Variants in ECT2L observed in about 807,000 individuals in gnomAD.
ECT2L encodes the protein epithelial cell-transforming sequence 2 oncogene-like.
In ECT2L, 126 loss-of-function variants were observed where a neutral mutation model predicts 122.8. The observed-to-expected ratio is 1.03, with a 90% CI of 0.89 to 1.19. The LOEUF is 1.19. ECT2L is among the 50% of genes most tolerant of loss of function. ECT2L has a pLI of 0.00. For missense variants in ECT2L, 1,012 were observed against 1,064.1 expected, an observed-to-expected ratio of 0.95 and a Z score of 0.68; for synonymous variants, 385 against 381.8, an observed-to-expected ratio of 1.01 and a Z score of -0.10.
chr6:138,891,079 A>G (rs1294828501), intron 20 of ECT2L, among the ~76,000 whole-genome samples: 1 of 152,124 alleles, frequency 6.6e-6, no homozygotes, highest in Non-Finnish European at 1.5e-5. Flanking sequence ...GGGATTGGAT[A>G]TGCCTCATTA....
intron 4 of ECT2L, among the ~76,000 whole-genome samples, chr6:138,831,768 A>G (rs953275207): frequency 7.2e-5 from 11 of 152,250 alleles, no homozygotes; most frequent in African/African-American, 2.7e-4. Context: ...AAGGGATTCA[A>G]AATAATGTTG....
chr6:138,879,971 AAAAT>A (rs1455515299), intron 14 of ECT2L, among the ~76,000 whole-genome samples: 2 of 131,216 alleles, frequency 1.5e-5, no homozygotes, highest in South Asian at 2.4e-4. Flanking sequence ...AAAATAAAAT[AAAAT>A]AAATAAATAC....
intron 12 of ECT2L, among the ~76,000 whole-genome samples, chr6:138,865,447 C>T (rs1778002217): frequency 6.6e-6 from 1 of 152,196 alleles, no homozygotes; most frequent in Admixed American, 6.5e-5. Context: ...TACCTAGACA[C>T]AATTTGCTGT....
intron 14 of ECT2L, among the ~76,000 whole-genome samples, chr6:138,880,129 T>C (rs780442588): frequency 3.3e-5 from 5 of 152,192 alleles, no homozygotes; most frequent in Non-Finnish European, 5.9e-5. Context: ...AGATTTTTCA[T>C]ATGTCAGCTG....
intron 1 of ECT2L, among the ~76,000 whole-genome samples, chr6:138,809,596 T>C (rs1487082709): frequency 6.6e-6 from 1 of 152,212 alleles, no homozygotes; most frequent in Non-Finnish European, 1.5e-5. Flanking sequence ...GCTGGTGATA[T>C]ATGATCTTTT....
chr6:138,863,619 T>C (rs1777917201), intron 11 of ECT2L, among the ~76,000 whole-genome samples: 1 of 151,690 alleles, frequency 6.6e-6, no homozygotes. Flanking sequence ...TTCTTTCTTT[T>C]TTTTTTTTTG....
chr6:138,860,073 C>T lies in ECT2L; in HGVS notation c.1199-2554C>T, dbSNP rs558384190. On this transcript the variant is annotated intron_variant, in intron 10 of 21. Coordinates refer to ENST00000541398, the MANE Select transcript of ECT2L (RefSeq NM_001077706.3). ...CTCCTGACCTCAGGTGATCTGCCCA[C>T]CTTGGCCTCCCAAAGTGCTGGGATT... Among the ~76,000 whole-genome samples the T allele has an allele frequency of 4.6e-5, 7 of 152,272 alleles. No homozygotes were observed. In the East Asian group the frequency reaches 1.2e-3, roughly 25 times the overall value.
At chr6:138,896,392 T>C (rs1168923567) in intron 20 of ECT2L, among the ~76,000 whole-genome samples, 1 of 152,176 alleles carries the variant, frequency 6.6e-6, no homozygotes, top group Non-Finnish European at 1.5e-5. Flanking sequence ...CCTATTATAC[T>C]GCCAAAAAGA....
chr6:138,801,715 ACTGCACTCCAGT>A (rs1775548845), intron 1 of ECT2L, among the ~76,000 whole-genome samples: 1 of 152,200 alleles, frequency 6.6e-6, no homozygotes, highest in South Asian at 2.1e-4. Flanking sequence ...AGATCATGCC[ACTGCACTCCAGT>A]CTGGGTGACA....
intron 4 of ECT2L, 56 bp downstream of exon 4, chr6:138,814,659 A>T: frequency 9.2e-7 from 1 of 1,085,132 alleles, no homozygotes; most frequent in Non-Finnish European, 1.4e-6. Flanking sequence ...ACCGTATATA[A>T]ATGTTTATAT....
At chr6:138,872,956 AT>A (rs1356762484) in intron 13 of ECT2L, among the ~76,000 whole-genome samples, 1 of 152,166 alleles carries the variant, frequency 6.6e-6, no homozygotes, top group Non-Finnish European at 1.5e-5. Context: ...GGTGAGAACC[AT>A]TTCTGGGCTC....
intron 4 of ECT2L, among the ~76,000 whole-genome samples, chr6:138,821,819 A>T (rs753369890): frequency 2.2e-4 from 34 of 152,238 alleles, no homozygotes; most frequent in Non-Finnish European, 2.9e-5. Flanking sequence ...AAAAAGGGTG[A>T]ACCCTGGAAG....
At position 138,846,046 on chromosome 6, in the gene ECT2L, G is replaced by A. The variant is rs144469664; in HGVS notation, c.765-493G>A. 2.4e-3 allele frequency among the ~76,000 whole-genome samples: 367 copies of A among 152,240 alleles called. 1 individual carries two copies. The highest frequency in any genetic ancestry group is 4.4e-3 in the Non-Finnish European group (298 of 68,018). ...TGATGACACAACTGCACTCCAGCCT[G>A]AGTGAGAGAACAAGACCCTGTCACT... On this transcript the variant is annotated intron_variant, in intron 7 of 21. Transcript: ENST00000541398.
chr6:138,875,844 G>A (rs1340914426), intron 13 of ECT2L, among the ~76,000 whole-genome samples: 1 of 152,234 alleles, frequency 6.6e-6, no homozygotes, highest in Non-Finnish European at 1.5e-5. Flanking sequence ...TACCTGGCCA[G>A]ACTTGGTGGC....
chr6:138,890,490 A>ATTTTTTTTTTTTTTTTTTTTTTTTTT (rs1562495167), intron 20 of ECT2L, among the ~76,000 whole-genome samples: 1 of 50,210 alleles, frequency 2.0e-5, no homozygotes, highest in African/African-American at 8.5e-5. Flanking sequence ...GTTTTCTTTG[A>ATTTTTTTTTTTTTTTTTTTTTTTTTT]TCTTTTTTTT....
intron 5 of ECT2L, among the ~76,000 whole-genome samples, chr6:138,840,033 C>T (rs1041116966): frequency 2.0e-5 from 3 of 151,994 alleles, no homozygotes; most frequent in Admixed American, 6.6e-5. Context: ...AATGCTAAGT[C>T]GATTAACACA....
At chr6:138,885,936 C>G in intron 18 of ECT2L, 106 bp downstream of exon 18, 1 of 1,120,876 alleles carries the variant, frequency 8.9e-7, no homozygotes, top group Non-Finnish European at 1.3e-6. Context: ...GGGTTCTTCG[C>G]TTTAAAGTCT....
At position 138,900,937 on chromosome 6, in the gene ECT2L, T is replaced by C. The variant is rs1335203525; in HGVS notation, c.2415-11T>C. 1.9e-6 allele frequency: 3 copies of C among 1,610,702 alleles called. No homozygotes were observed. Among genetic ancestry groups the C allele is most frequent in the Non-Finnish European group, 2.5e-6 (3 of 1,178,946 alleles). ...ATGTATTAAAACTGTACCTTCTCCA[T>C]TTTAACACAGGCTCTATGAACACAT... On this transcript the variant is annotated splice_polypyrimidine_tract_variant and intron_variant, in intron 20 of 21. Coordinates refer to ENST00000541398, the MANE Select transcript of ECT2L (RefSeq NM_001077706.3).
At chr6:138,812,379 C>G (rs930997292) in intron 1 of ECT2L, among the ~76,000 whole-genome samples, 1 of 152,232 alleles carries the variant, frequency 6.6e-6, no homozygotes, top group Non-Finnish European at 1.5e-5. Flanking sequence ...TTGTTTTAAG[C>G]TGAAAAATGC....
Sources: allele counts gnomAD v4.1 joint callset (sites outside exome capture counted in the v4.1 genomes callset), GRCh38; gene constraint gnomAD v4.1.1; transcripts MANE v1.5; gene names NCBI Gene and HGNC (gene_info 2026-07-23, HGNC 2026-07-21).